The following EYA2 variants were observed in gnomAD, a reference collection of about 807,000 sequenced individuals.
EYA2 encodes the protein EYA transcriptional coactivator and phosphatase 2, also known as protein phosphatase EYA2.
EYA2 carries 31 observed loss-of-function variants against 69.2 expected under a neutral mutation model. The observed-to-expected ratio is 0.45, with a 90% CI of 0.34 to 0.60. The LOEUF (loss-of-function observed/expected upper bound fraction) is 0.60. EYA2 is among the 20% of genes least tolerant of loss of function. The pLI, the probability that EYA2 is intolerant of heterozygous loss-of-function variation, is 0.02. For missense variants in EYA2, 622 were observed against 701.2 expected (o/e 0.89, Z 1.28); for synonymous variants, 257 against 279.4 (o/e 0.92, Z 0.80).
intron 9 of EYA2, among the ~76,000 whole-genome samples, chr20:47,104,406 T>G (rs973056732): frequency 3.9e-5 from 6 of 152,258 alleles, no homozygotes; most frequent in African/African-American, 1.4e-4. Context: ...CTTTGTGGTA[T>G]CCTTTGAAAT....
In EYA2 at chr20:47,159,920, G is replaced by A. The variant is rs141215731; in HGVS notation, c.979-9219G>A. Among the ~76,000 whole-genome samples the A allele has an allele frequency of 1.7e-3, 252 of 152,180 alleles. 1 individual carries two copies. The highest frequency in any genetic ancestry group is 5.1e-3 in the African/African-American group (211 of 41,582). ...CAGGAGAATCACTGACCTGAGAGGC[G>A]GAGGCTGCAGTGAGCTGCAGGAAGC... On this transcript the variant is annotated intron_variant, in intron 10 of 15. Transcript: ENST00000327619.
chr20:47,156,085 T>TACAC (rs1320084095), intron 10 of EYA2, among the ~76,000 whole-genome samples: 14 of 28,778 alleles, frequency 4.9e-4, no homozygotes, highest in African/African-American at 1.1e-3. Context: ...CACATATATA[T>TACAC]ACATACACAC....
At chr20:47,011,716 C>T (rs2146362632) in intron 4 of EYA2, among the ~76,000 whole-genome samples, 1 of 152,302 alleles carries the variant, frequency 6.6e-6, no homozygotes, top group South Asian at 2.1e-4. Context: ...CTTCCTCCTC[C>T]TCCAAGGGAC....
intron 15 of EYA2, 34 bp downstream of exon 15, chr20:47,183,425 G>A (rs771745115): frequency 1.3e-6 from 2 of 1,596,360 alleles, no homozygotes; most frequent in Non-Finnish European, 1.7e-6. Flanking sequence ...GCGTTTTCCT[G>A]CTCTTTCGAG....
intron 1 of EYA2, among the ~76,000 whole-genome samples, chr20:46,952,850 T>C (rs1249211539): frequency 1.3e-5 from 2 of 152,042 alleles, no homozygotes; most frequent in Admixed American, 6.5e-5. Context: ...ATGTAAGAGG[T>C]TGCATTCCCA....
intron 1 of EYA2, among the ~76,000 whole-genome samples, chr20:46,956,472 C>T (rs1321003079): frequency 1.3e-5 from 2 of 152,148 alleles, no homozygotes; most frequent in Non-Finnish European, 2.9e-5. Flanking sequence ...CAACCAAGGG[C>T]CCAGGTCCTT....
At chr20:47,045,820 A>G (rs1004751707) in intron 5 of EYA2, among the ~76,000 whole-genome samples, 1 of 152,182 alleles carries the variant, frequency 6.6e-6, no homozygotes, top group South Asian at 2.1e-4. Context: ...AAAGATCAAA[A>G]CTAACAATGG....
At chr20:46,975,924 G>A (rs994348647) in intron 1 of EYA2, among the ~76,000 whole-genome samples, 32 of 152,198 alleles carry the variant, frequency 2.1e-4, no homozygotes, top group African/African-American at 7.5e-4. Flanking sequence ...AATTCATCAA[G>A]CATAGTTGAG....
intron 3 of EYA2, among the ~76,000 whole-genome samples, chr20:47,004,532 A>C (rs915336743): frequency 1.3e-5 from 2 of 152,200 alleles, no homozygotes; most frequent in Non-Finnish European, 2.9e-5. Context: ...CCTGCAAGGC[A>C]GCTCTCTCTC....
At chr20:47,063,294 T>TA (rs1156763678) in intron 5 of EYA2, among the ~76,000 whole-genome samples, 1 of 152,132 alleles carries the variant, frequency 6.6e-6, no homozygotes, top group East Asian at 1.9e-4. Flanking sequence ...TCTGGATACT[T>TA]TATATGAATA....
chr20:46,974,159 G>T (rs949523611), intron 1 of EYA2, among the ~76,000 whole-genome samples: 4 of 152,110 alleles, frequency 2.6e-5, no homozygotes, highest in African/African-American at 9.7e-5. Context: ...AATATGAAAG[G>T]CACTTAAAAC....
At chr20:47,004,632 G>A (rs1982586538) in intron 3 of EYA2, among the ~76,000 whole-genome samples, 1 of 152,150 alleles carries the variant, frequency 6.6e-6, no homozygotes. Context: ...ATCAAAAGAG[G>A]AGAAAGGACA....
chr20:46,970,333 T>G (rs770475240), intron 1 of EYA2, among the ~76,000 whole-genome samples: 1 of 152,176 alleles, frequency 6.6e-6, no homozygotes, highest in Non-Finnish European at 1.5e-5. Context: ...TATATAAAAA[T>G]AGAGGAGAGG....
At chr20:47,158,658 A>G (rs1300128821) in intron 10 of EYA2, among the ~76,000 whole-genome samples, 1 of 152,006 alleles carries the variant, frequency 6.6e-6, no homozygotes, top group African/African-American at 2.4e-5. Context: ...CCATGGAGAA[A>G]TGGCTGATTC....
chr20:47,071,937 C>T (rs750154598), intron 5 of EYA2: 4 of 525,782 alleles, frequency 7.6e-6, no homozygotes, highest in Non-Finnish European at 1.4e-5. Context: ...CATCAGCAAG[C>T]ACTTGGAAGC....
At chr20:47,003,514 T>C (rs758428128) in intron 3 of EYA2, among the ~76,000 whole-genome samples, 29 of 152,232 alleles carry the variant, frequency 1.9e-4, no homozygotes, top group Admixed American at 1.8e-3. Flanking sequence ...AAGCACCTGC[T>C]TTTCAGGAGA....
chr20:47,012,615 T>C (rs1168907958), intron 4 of EYA2, among the ~76,000 whole-genome samples: 2 of 152,166 alleles, frequency 1.3e-5, no homozygotes, highest in African/African-American at 4.8e-5. Context: ...TGCCTCAGCT[T>C]CCTGAGTAGC....
chr20:46,922,097 C>T (rs1420215097), intron 1 of EYA2, among the ~76,000 whole-genome samples: 4 of 152,194 alleles, frequency 2.6e-5, no homozygotes, highest in African/African-American at 4.8e-5. Context: ...CTGGAACCTG[C>T]GTTTCCTAAC....
intron 15 of EYA2, among the ~76,000 whole-genome samples, chr20:47,184,270 C>T (rs1201279298): frequency 1.3e-5 from 2 of 152,142 alleles, no homozygotes; most frequent in African/African-American, 2.4e-5. Flanking sequence ...CAGGGTCAGT[C>T]GCACTGGTGT....
Sources: allele counts gnomAD v4.1 joint callset (sites outside exome capture counted in the v4.1 genomes callset), GRCh38; gene constraint gnomAD v4.1.1; transcripts MANE v1.5; gene names NCBI Gene and HGNC (gene_info 2026-07-23, HGNC 2026-07-21).